The following SLC6A3 variants were observed in gnomAD, a reference collection of about 807,000 sequenced individuals.
The protein encoded by SLC6A3 is sodium-dependent dopamine transporter.
SLC6A3 carries 19 observed loss-of-function variants against 70.4 expected under a neutral mutation model. That is an observed-to-expected ratio of 0.27 (90% CI 0.19 to 0.40). The LOEUF (loss-of-function observed/expected upper bound fraction) is 0.40, where lower values mean the gene tolerates loss of function less well. Among genes scored for constraint, SLC6A3 ranks in the 10% least tolerant of loss-of-function variants. The pLI is 1.00. For missense variants in SLC6A3, 613 were observed against 838.5 expected, an observed-to-expected ratio of 0.73 and a Z score of 3.32; for synonymous variants, 368 against 356.6, an observed-to-expected ratio of 1.03 and a Z score of -0.36.
intron 6 of SLC6A3, among the ~76,000 whole-genome samples, chr5:1,418,861 T>C (rs567709661): frequency 1.4e-4 from 13 of 93,410 alleles, no homozygotes; most frequent in South Asian, 4.3e-4. Context: ...CCATCCATTA[T>C]CCATCCATCC....
rs1755661922 is a variant in SLC6A3, at chr5:1,394,416, G to A, written c.*319C>T. The A allele has an allele frequency of 3.9e-6, 2 of 508,506 alleles. No homozygotes were observed. The highest frequency in any genetic ancestry group is 7.1e-6 in the Non-Finnish European group (2 of 280,540). 31.5% of individuals were successfully genotyped at this position (508,506 alleles called of 1,614,324 possible). ...GGGGCAGCCTCAGAGCCGGGAGCAG[G>A]GAGCAGGGAGGGAGGGAGCCTCACA... On this transcript the variant is annotated 3_prime_UTR_variant, in exon 15 of 15. Transcript: ENST00000270349. The surrounding 1 kb of genome is among the most constrained non-coding windows in gnomAD (Gnocchi z 4.7).
intron 5 of SLC6A3, among the ~76,000 whole-genome samples, chr5:1,420,914 A>G (rs569411340): frequency 4.6e-5 from 7 of 152,216 alleles, no homozygotes; most frequent in Non-Finnish European, 8.8e-5. Context: ...CAGGGATGGA[A>G]AGGGAAGAAC....
intron 9 of SLC6A3, among the ~76,000 whole-genome samples, chr5:1,410,805 T>C (rs1337782982): frequency 2.0e-5 from 3 of 152,062 alleles, no homozygotes; most frequent in Non-Finnish European, 4.4e-5. Flanking sequence ...TGTCTGTGTG[T>C]ATGTGTGTGT....
intron 9 of SLC6A3, among the ~76,000 whole-genome samples, chr5:1,410,948 GTA>G (rs1020368058): frequency 4.7e-5 from 7 of 147,802 alleles, no homozygotes; most frequent in Admixed American, 6.7e-5. Flanking sequence ...GTGTGTGCGT[GTA>G]TGTGTGTGTG....
Position 1,401,196 on chromosome 5 carries a change from G to A in SLC6A3, c.1768-210C>T. 2.9e-6 allele frequency: 2 copies of A among 699,444 alleles called. No individual in the cohort carries two copies. The highest frequency in any genetic ancestry group is 2.6e-6 in the Non-Finnish European group (1 of 383,094). 43.3% of individuals were successfully genotyped at this position (699,444 alleles called of 1,614,324 possible). A position where few individuals can be genotyped will look rare whatever the true frequency, so the allele number is the denominator to read the frequency against. The stretch of plus-strand genomic sequence containing the variant: ...CCATGCCGACCAGACAGCCAGTCAG[G>A]CCCGAAGCCAACATCCTGACGGTCC... On this transcript the variant is annotated intron_variant, in intron 13 of 14. Transcript: ENST00000270349. This position sits in a 1 kb window ranked among gnomAD's most constrained non-coding sequence, Gnocchi z 6.1.
chr5:1,440,807 C>A (rs558966258), intron 3 of SLC6A3, among the ~76,000 whole-genome samples: 1 of 152,316 alleles, frequency 6.6e-6, no homozygotes, highest in Admixed American at 6.5e-5. Flanking sequence ...GAAATCAACC[C>A]TACAGACACC....
At chr5:1,425,914 T>A (rs1435454982) in intron 4 of SLC6A3, among the ~76,000 whole-genome samples, 1 of 152,184 alleles carries the variant, frequency 6.6e-6, no homozygotes, top group African/African-American at 2.4e-5. Flanking sequence ...CATGAAGAGA[T>A]GCCCAACAGT....
Position 1,396,593 on chromosome 5 carries a change from G to A in SLC6A3, c.1840-1835C>T, listed in dbSNP as rs1755725926. Among the ~76,000 whole-genome samples the A allele has an allele frequency of 6.6e-6, 1 of 152,302 alleles. No individual in the cohort carries two copies. Among genetic ancestry groups the A allele is most frequent in the East Asian group, 1.9e-4 (1 of 5,178 alleles). Reference sequence around the variant, plus strand: ...AGGTGGCCACACAGAGAGAAGACCCGGGACAATGGCCCAGGACCCCTGCTG... The same window carrying A: ...AGGTGGCCACACAGAGAGAAGACCCAGGACAATGGCCCAGGACCCCTGCTG... On this transcript the variant is annotated intron_variant, in intron 14 of 14. Coordinates refer to ENST00000270349, the MANE Select transcript of SLC6A3 (RefSeq NM_001044.5). The surrounding 1 kb of genome is among the most constrained non-coding windows in gnomAD (Gnocchi z 7.0).
chr5:1,427,546 CTAAT>C (rs964930886), intron 4 of SLC6A3, among the ~76,000 whole-genome samples: 6 of 152,236 alleles, frequency 3.9e-5, no homozygotes, highest in African/African-American at 9.6e-5. Context: ...AATGGAAACT[CTAAT>C]TAAAAAACAG....
At position 1,394,696 on chromosome 5, in the gene SLC6A3, T is replaced by G; in HGVS notation, c.*39A>C. The stretch of plus-strand genomic sequence containing the variant: ...CCTTGGTTTGTTCGTGTCTCTCCCA[T>G]TGCAGGATGACTTCCTGGGGTCTTC... On this transcript the variant is annotated 3_prime_UTR_variant, in exon 15 of 15. Transcript: ENST00000270349. The surrounding 1 kb of genome is among the most constrained non-coding windows in gnomAD (Gnocchi z 4.7). 1 of 1,605,492 alleles carries G rather than the reference T, an allele frequency of 6.2e-7. No individual in the cohort carries two copies. The highest frequency in any genetic ancestry group is 8.5e-7 in the Non-Finnish European group (1 of 1,172,192).
rs8179024 is a variant in SLC6A3, at chr5:1,432,425, G to C, written c.653+39C>G. The C allele has an allele frequency of 3.5e-5, 53 of 1,500,494 alleles. No individual in the cohort carries two copies. The East Asian group carries it at 5.9e-4, about 17-fold the overall frequency. The allele number at this position is 1,500,494 out of a possible 1,614,324, so 92.9% of individuals were successfully genotyped here. On this transcript the variant is annotated intron_variant, in intron 4 of 14. Transcript: ENST00000270349. The stretch of plus-strand genomic sequence containing the variant: ...GGGCTACCATGGGGGACCTGGCTGC[G>C]CCATCTCTCCCGTTCCCGAGGACCC...
chr5:1,402,469 C>G lies in SLC6A3; in HGVS notation c.1767+453G>C, dbSNP rs142498903. 6.6e-6 allele frequency among the ~76,000 whole-genome samples: 1 copy of G among 152,166 alleles called. No homozygotes were observed. Among genetic ancestry groups the G allele is most frequent in the East Asian group, 1.9e-4 (1 of 5,162 alleles). ...GGACCTAGATCACCCCTGATTCTACCGCCCTCAGATGGCTTCTGTGTCCAC... is the reference window on the plus strand; with the variant it reads ...GGACCTAGATCACCCCTGATTCTACGGCCCTCAGATGGCTTCTGTGTCCAC... On this transcript the variant is annotated intron_variant, in intron 13 of 14. Transcript: ENST00000270349. This position sits in a 1 kb window ranked among gnomAD's most constrained non-coding sequence, Gnocchi z 8.5.
Position 1,402,886 on chromosome 5 carries a change from C to G in SLC6A3, c.1767+36G>C, listed in dbSNP as rs1755882707. On this transcript the variant is annotated intron_variant, in intron 13 of 14. Coordinates refer to ENST00000270349, the MANE Select transcript of SLC6A3 (RefSeq NM_001044.5). The surrounding 1 kb of genome is among the most constrained non-coding windows in gnomAD (Gnocchi z 8.5). ...ACCCACGGAGCCTTTCTGGTGGCCT[C>G]ACACTCGGGTGAAGGCGCCCCGTCC... The G allele has an allele frequency of 6.2e-7, 1 of 1,607,882 alleles. No individual in the cohort carries two copies. Among genetic ancestry groups the G allele is most frequent in the Non-Finnish European group, 8.5e-7 (1 of 1,177,390 alleles).
chr5:1,400,860 C>CTTGG (rs1305813903), intron 14 of SLC6A3, 55 bp downstream of exon 14: 1 of 1,364,710 alleles, frequency 7.3e-7, no homozygotes, highest in African/African-American at 1.4e-5. Context: ...GAACACTGAG[C>CTTGG]TTGGGATCAT....
At chr5:1,435,931 G>A (rs1022473768) in intron 3 of SLC6A3, among the ~76,000 whole-genome samples, 2 of 147,742 alleles carry the variant, frequency 1.4e-5, no homozygotes, top group African/African-American at 2.5e-5. Flanking sequence ...GTGGTGGCCA[G>A]TCCCCTCCTG....
In SLC6A3 at chr5:1,397,931, T is replaced by C. The variant is rs190190567; in HGVS notation, c.1839+2984A>G. Among the ~76,000 whole-genome samples, 146 of 152,122 alleles carry C rather than the reference T, an allele frequency of 9.6e-4. No individual in the cohort carries two copies. The highest frequency in any genetic ancestry group is 3.4e-3 in the African/African-American group (141 of 41,506). On this transcript the variant is annotated intron_variant, in intron 14 of 14. Coordinates refer to ENST00000270349, the MANE Select transcript of SLC6A3 (RefSeq NM_001044.5). This position sits in a 1 kb window ranked among gnomAD's most constrained non-coding sequence, Gnocchi z 4.7. ...AATTTGTGGGTTAAAAAGAGAGAAATAGATTTGAACAATCATAGCATGTTC... is the reference window on the plus strand; with the variant it reads ...AATTTGTGGGTTAAAAAGAGAGAAACAGATTTGAACAATCATAGCATGTTC...
At chr5:1,395,400 G>A (rs1041841201) in intron 14 of SLC6A3, among the ~76,000 whole-genome samples, 32 of 152,326 alleles carry the variant, frequency 2.1e-4, no homozygotes, top group Admixed American at 4.6e-4. Context: ...ATGGCAAGAA[G>A]TGTGCTTCAT....
chr5:1,422,593 G>A (rs577127644), intron 4 of SLC6A3, among the ~76,000 whole-genome samples: 3 of 95,154 alleles, frequency 3.2e-5, no homozygotes, highest in Non-Finnish European at 4.6e-5. Context: ...GGTACCCACC[G>A]CTGCCCAGTG....
intron 4 of SLC6A3, among the ~76,000 whole-genome samples, chr5:1,428,045 T>G (rs758713096): frequency 1.3e-5 from 2 of 152,096 alleles, no homozygotes; most frequent in African/African-American, 4.8e-5. Flanking sequence ...GCAGAATACA[T>G]ATTCTTTCTA....
Sources: gnomAD v4.1 joint callset for allele counts (sites outside exome capture counted in the v4.1 genomes callset) on GRCh38, gnomAD v4.1.1 for gene constraint, Gnocchi (gnomAD v3.1) non-coding constraint, MANE v1.5 for transcripts, NCBI Gene and HGNC (gene_info 2026-07-23, HGNC 2026-07-21) for gene names.